The following DST variants were observed in gnomAD, a reference collection of about 807,000 sequenced individuals.
DST encodes the protein dystonin, also known as bullous pemphigoid antigen.
DST carries 253 observed loss-of-function variants against 875.2 expected under a neutral mutation model. That is an observed-to-expected ratio of 0.29 (90% confidence interval 0.26 to 0.32). The LOEUF (loss-of-function observed/expected upper bound fraction) is 0.32. DST is among the 10% of genes least tolerant of loss of function. The probability of loss-of-function intolerance (pLI) is 1.00; values close to 1 mark genes in which losing one functional copy is unlikely to be tolerated. For synonymous variants in DST, 3,124 were observed against 3,197.1 expected (o/e 0.98, Z 0.77); for missense variants, 8,287 against 9,111.6 (o/e 0.91, Z 3.68).
rs554822347 is a variant in DST at position 56,593,920 on chromosome 6, G to C, written c.12469C>G (p.Leu4157Val). Residue 4157 changes from leucine to valine, a missense_variant, in exon 48 of 104, where the codon CTT becomes GTT. Transcript: ENST00000680361. Reference sequence around the variant, plus strand: ...TCTGCACCTGCCTCCAGGTTTTCAAGTTCTTGTTCTGACTGCTGTAGCCAG... The same window carrying C: ...TCTGCACCTGCCTCCAGGTTTTCAACTTCTTGTTCTGACTGCTGTAGCCAG... ...EHWLQQSEQE[L>V]ENLEAGADDI... 1 of 1,613,752 alleles carries C rather than the reference G, an allele frequency of 6.2e-7. No homozygotes were observed. Among genetic ancestry groups the C allele is most frequent in the Non-Finnish European group, 8.5e-7 (1 of 1,179,736 alleles).
At chr6:56,556,358 C>T (rs1025584180) in intron 59 of DST, among the ~76,000 whole-genome samples, 1 of 152,066 alleles carries the variant, frequency 6.6e-6, no homozygotes, top group Non-Finnish European at 1.5e-5. Flanking sequence ...GTCAACAAAT[C>T]ATGCTGCTCA....
intron 4 of DST, among the ~76,000 whole-genome samples, chr6:56,767,868 G>A (rs930052372): frequency 6.6e-6 from 1 of 152,120 alleles, no homozygotes; most frequent in Admixed American, 6.6e-5. Context: ...CTGGAAGAAA[G>A]ACATTCAGAT....
At chr6:56,934,582 ATATATATC>A (rs1426199834) in intron 2 of DST, among the ~76,000 whole-genome samples, 7 of 139,762 alleles carry the variant, frequency 5.0e-5, no homozygotes, top group Admixed American at 1.5e-4. Flanking sequence ...ATATATATAT[ATATATATC>A]GTGAGAGAGA....
chr6:56,582,583 G>C (rs2098030618), intron 49 of DST, among the ~76,000 whole-genome samples: 1 of 151,672 alleles, frequency 6.6e-6, no homozygotes, highest in South Asian at 2.1e-4. Flanking sequence ...AAATTACCCA[G>C]TCTCAAGTAT....
At chr6:56,489,000 C>T (rs937386980) in intron 86 of DST, among the ~76,000 whole-genome samples, 6 of 152,124 alleles carry the variant, frequency 3.9e-5, no homozygotes, top group African/African-American at 9.7e-5. Flanking sequence ...GAATTTTATA[C>T]GTGCACAAAC....
chr6:56,589,838 A>T (rs994527886), intron 49 of DST, among the ~76,000 whole-genome samples: 8 of 152,266 alleles, frequency 5.3e-5, no homozygotes, highest in African/African-American at 1.9e-4. Context: ...GCTATTGGCC[A>T]AAAGCATTTC....
Position 56,616,629 on chromosome 6 carries a change from G to C in DST, c.4930-2145C>G, listed in dbSNP as rs772001929. 35 of 1,614,070 alleles carry C rather than the reference G, an allele frequency of 2.2e-5. No individual in the cohort carries two copies. Among genetic ancestry groups the C allele is most frequent in the Admixed American group, 5.0e-5 (3 of 59,996 alleles). ...TTGCTGGATGGCTCATGTAAAAACT[G>C]TAAGATGGCATTATTCAACAACCCC... is the stretch of plus-strand genomic sequence containing the variant. On this transcript the variant is annotated intron_variant, in intron 36 of 103. Coordinates refer to ENST00000680361, the MANE Select transcript of DST (RefSeq NM_001374736.1).
chr6:56,711,214 TTTATTA>T (rs1334082468), intron 5 of DST, among the ~76,000 whole-genome samples: 1 of 152,190 alleles, frequency 6.6e-6, no homozygotes, highest in Non-Finnish European at 1.5e-5. Flanking sequence ...AATAAAAACA[TTTATTA>T]ATATATTACA....
At chr6:56,643,245 A>G (rs1441710394) in intron 15 of DST, among the ~76,000 whole-genome samples, 1 of 152,234 alleles carries the variant, frequency 6.6e-6, no homozygotes, top group Non-Finnish European at 1.5e-5. Context: ...TGACTTCTGC[A>G]AAAGACCAGG....
intron 41 of DST, 66 bp from the exon 42 acceptor site, chr6:56,603,486 A>T: frequency 1.3e-6 from 2 of 1,593,350 alleles, no homozygotes; most frequent in Admixed American, 3.5e-5. Context: ...AACATGAAAC[A>T]TAGAAGTGTT....
chr6:56,614,587 C>A (rs757626795), intron 36 of DST, 103 bp from the exon 37 acceptor site: 45 of 1,350,442 alleles, frequency 3.3e-5, no homozygotes, highest in South Asian at 1.7e-4. Flanking sequence ...TTTTTTTCAT[C>A]ACACACAGGT....
chr6:56,496,785 C>G (rs1011032030), intron 82 of DST, among the ~76,000 whole-genome samples: 1 of 152,022 alleles, frequency 6.6e-6, no homozygotes, highest in Non-Finnish European at 1.5e-5. Context: ...CAATGATAGA[C>G]TGGATTAAGA....
At chr6:56,616,946 T>G (rs1372922043) in intron 36 of DST, 1 of 1,604,756 alleles carries the variant, frequency 6.2e-7, no homozygotes, top group Non-Finnish European at 8.5e-7. Context: ...TGTTGCAGCC[T>G]GAGCTTCTAA....
chr6:56,803,307 T>C (rs1471808716), intron 4 of DST, among the ~76,000 whole-genome samples: 1 of 152,236 alleles, frequency 6.6e-6, no homozygotes, highest in Non-Finnish European at 1.5e-5. Context: ...TTAAAATTTA[T>C]GCTGCAATCT....
At position 56,685,294 on chromosome 6, in the gene DST, A is replaced by G. The variant is rs2099177075; in HGVS notation, c.1047+14359T>C. ...CTATAAGGACCTTAAACAAATCAACAAGGAAAAAACACATGACACTTCTGT... is the reference window on the plus strand; with the variant it reads ...CTATAAGGACCTTAAACAAATCAACGAGGAAAAAACACATGACACTTCTGT... On this transcript the variant is annotated intron_variant, in intron 9 of 103. Coordinates refer to ENST00000680361, the MANE Select transcript of DST (RefSeq NM_001374736.1). Among the ~76,000 whole-genome samples, 5 of 152,158 alleles carry G rather than the reference A, an allele frequency of 3.3e-5. No homozygotes were observed. In the South Asian group the frequency reaches 8.3e-4, roughly 25 times the overall value.
intron 60 of DST, 63 bp downstream of exon 60, chr6:56,555,282 G>A (rs2097395296): frequency 1.3e-6 from 2 of 1,502,914 alleles, no homozygotes; most frequent in Admixed American, 4.4e-5. Flanking sequence ...CAACATCTTG[G>A]AAATAGGCAA....
At chr6:56,642,303 G>T in intron 16 of DST, 107 bp downstream of exon 16, 1 of 927,194 alleles carries the variant, frequency 1.1e-6, no homozygotes, top group Non-Finnish European at 1.8e-6. Context: ...AAGTTTCAGT[G>T]GAGAGTATTA....
Position 56,631,349 on chromosome 6 carries a change from C to G in DST, c.4004G>C (p.Gly1335Ala). 1.9e-6 allele frequency: 3 copies of G among 1,613,844 alleles called. No homozygotes were observed. Among genetic ancestry groups the G allele is most frequent in the Non-Finnish European group, 2.5e-6 (3 of 1,179,898 alleles). The change falls in exon 30 of 104, where the codon GGA (glycine) becomes GCA (alanine). Residue 1335 changes from glycine to alanine, a missense_variant. By Grantham distance (60) the Gly-to-Ala change is moderately conservative. Coordinates refer to ENST00000680361, the MANE Select transcript of DST (RefSeq NM_001374736.1). ...KELERLKDDL[G>A]TITNKCEEFF... ...CTCCTCACACTTATTTGTGATTGTT[C>G]CCAAATCATCTTTAAGTCGTTCCAG...
rs540352529 is a variant in DST at position 56,954,111 on chromosome 6, G to A, written c.182-292C>T. Among the ~76,000 whole-genome samples the A allele has an allele frequency of 7.2e-5, 11 of 152,332 alleles. No homozygotes were observed. In the East Asian group the frequency reaches 2.1e-3, roughly 29 times the overall value. On this transcript the variant is annotated intron_variant, in intron 1 of 103. Transcript: ENST00000680361. ...AAGGATGCGTGAAGGCGAGGCTGGC[G>A]CAGCCCCGGACTACGCTCAAATTAC...
Sources: allele counts gnomAD v4.1 joint callset (sites outside exome capture counted in the v4.1 genomes callset), GRCh38; gene constraint gnomAD v4.1.1; transcripts MANE v1.5; gene names NCBI Gene and HGNC (gene_info 2026-07-23, HGNC 2026-07-21).